CEP295: variants seen among roughly 807,000 people sequenced by gnomAD.
CEP295 encodes centrosomal protein 295, also known as centrosomal protein of 295 kDa.
In CEP295, 190 loss-of-function variants were observed where a neutral mutation model predicts 291.6. The observed-to-expected ratio is 0.65, with a 90% CI of 0.58 to 0.73. The LOEUF (loss-of-function observed/expected upper bound fraction) is 0.73, where lower values mean the gene tolerates loss of function less well. CEP295 is among the 30% of genes least tolerant of loss of function. CEP295 has a pLI of 0.00. For synonymous variants in CEP295, 993 were observed against 1,038.8 expected (o/e 0.96, Z 0.85); for missense variants, 2,863 against 2,949.4 (o/e 0.97, Z 0.68).
chr11:93,690,632 T>A (rs1271710924), intron 10 of CEP295, among the ~76,000 whole-genome samples: 1 of 138,762 alleles, frequency 7.2e-6, no homozygotes, highest in Non-Finnish European at 1.5e-5. Flanking sequence ...CTCGGGAGCA[T>A]GAGGCAGGAG....
chr11:93,685,885 A>G (rs1042970356), intron 9 of CEP295, among the ~76,000 whole-genome samples: 1 of 151,864 alleles, frequency 6.6e-6, no homozygotes, highest in Non-Finnish European at 1.5e-5. Context: ...TAATTTTTGT[A>G]TTTTTAGCAG....
Position 93,699,770 on chromosome 11 carries a change from C to T in CEP295, c.4858C>T (p.Pro1620Ser), listed in dbSNP as rs371146231. 33 of 1,551,920 alleles carry T rather than the reference C, an allele frequency of 2.1e-5. No homozygotes were observed. The African/African-American group carries it at 4.2e-4, about 20-fold the overall frequency. ...GGAAGTGATGTATTCTTATGAGAAA[C>T]CCCAGGAAGAACTGTCTTTAAACAA... is the stretch of plus-strand genomic sequence containing the variant. The part of the protein sequence containing the change: ...QREVMYSYEK[P>S]QEELSLNKQR... The change falls in exon 15 of 30, where the codon CCC becomes TCC. Residue 1620 changes from proline (P) to serine (S), a missense_variant. This residue lies in a region of CEP295 where 2,295 missense variants were observed against 2,335.7 expected (regional missense o/e 0.98). Coordinates refer to ENST00000325212, the MANE Select transcript of CEP295 (RefSeq NM_033395.2).
At chr11:93,669,283 T>C (rs1469323561) in intron 4 of CEP295, among the ~76,000 whole-genome samples, 2 of 152,136 alleles carry the variant, frequency 1.3e-5, no homozygotes, top group African/African-American at 4.8e-5. Flanking sequence ...GGTTGTAGAC[T>C]CTGGAAGTCA....
At chr11:93,729,237 C>T (rs950454418) in intron 25 of CEP295, 197 bp from the exon 26 acceptor site, 1 of 600,284 alleles carries the variant, frequency 1.7e-6, no homozygotes, top group Middle Eastern at 4.5e-4. Flanking sequence ...CAGTTCAAGA[C>T]CAGCCTGGGC....
At chr11:93,662,011 G>A (rs767563452) in intron 1 of CEP295, among the ~76,000 whole-genome samples, 6 of 152,184 alleles carry the variant, frequency 3.9e-5, no homozygotes, top group Non-Finnish European at 7.3e-5. Flanking sequence ...GGCTTTGCGC[G>A]CTCTCCTGGG....
At chr11:93,684,252 C>A in intron 9 of CEP295, 124 bp downstream of exon 9, 2 of 681,058 alleles carry the variant, frequency 2.9e-6, no homozygotes, top group Non-Finnish European at 4.8e-6. Flanking sequence ...CTGATGGGAG[C>A]AGTAGCTAAA....
In CEP295 at chr11:93,698,938, A is replaced by G. The variant is rs904121236; in HGVS notation, c.4026A>G (p.Gln1342=). 33 of 1,551,428 alleles carry G rather than the reference A, an allele frequency of 2.1e-5. No homozygotes were observed. Among genetic ancestry groups the G allele is most frequent in the Admixed American group, 3.9e-5 (2 of 50,978 alleles). The part of the protein sequence containing the change: ...QLQDRLLRIS[Q]LIQPQQDNLK... Reference sequence around the variant, plus strand: ...AGGATAGGCTTTTGAGGATATCGCAACTTATCCAGCCTCAACAAGATAATT... The same window carrying G: ...AGGATAGGCTTTTGAGGATATCGCAGCTTATCCAGCCTCAACAAGATAATT... Residue 1342 remains glutamine (Q), a synonymous_variant, in exon 15 of 30, where the codon CAA becomes CAG. Coordinates refer to ENST00000325212, the MANE Select transcript of CEP295 (RefSeq NM_033395.2).
chr11:93,689,067 G>T (rs2135017007), intron 10 of CEP295, among the ~76,000 whole-genome samples: 1 of 152,202 alleles, frequency 6.6e-6, no homozygotes, highest in South Asian at 2.1e-4. Context: ...TATATCCATA[G>T]TCCAACCATT....
At chr11:93,702,704 G>C (rs2135152062) in intron 16 of CEP295, 67 bp downstream of exon 16, 1 of 1,531,580 alleles carries the variant, frequency 6.5e-7, no homozygotes, top group Non-Finnish European at 8.8e-7. Flanking sequence ...CCTGTAGCTT[G>C]CTAGTTGAAG....
rs954178186 is a variant in CEP295, at chr11:93,727,338, G to A, written c.6862G>A (p.Gly2288Arg). Reference sequence around the variant, plus strand: ...GGGCTTTGAAGAACTATCAAAAAGAGGGGTTGTTACAATGTTACAAAGTCA... The same window carrying A: ...GGGCTTTGAAGAACTATCAAAAAGAAGGGTTGTTACAATGTTACAAAGTCA... The part of the protein sequence containing the change: ...SMGFEELSKR[G>R]VVTMLQSQGL... The change falls in exon 24 of 30, where the codon GGG (glycine) becomes AGG (arginine). Residue 2288 changes from glycine (G) to arginine (R), a missense_variant. By Grantham distance (125) the Gly-to-Arg change is moderately radical (BLOSUM62 -2). Around this residue, in one of 3 missense-constraint regions of CEP295, gnomAD observed 2,295 missense variants for 2,335.7 expected, o/e 0.98. Transcript: ENST00000325212. 6.4e-7 allele frequency: 1 copy of A among 1,551,346 alleles called. No individual in the cohort carries two copies. Among genetic ancestry groups the A allele is most frequent in the Non-Finnish European group, 8.7e-7 (1 of 1,146,932 alleles).
intron 1 of CEP295, among the ~76,000 whole-genome samples, chr11:93,664,841 A>C (rs989241214): frequency 1.1e-4 from 16 of 152,334 alleles, no homozygotes; most frequent in African/African-American, 3.6e-4. Flanking sequence ...AGTATGTGAA[A>C]TATTACCTGG....
chr11:93,702,612 A>G lies in CEP295; in HGVS notation c.5427A>G (p.Ser1809=). 2 of 1,546,482 alleles carry G rather than the reference A, an allele frequency of 1.3e-6. No individual in the cohort carries two copies. Among genetic ancestry groups the G allele is most frequent in the Non-Finnish European group, 1.7e-6 (2 of 1,145,386 alleles). ...RNNSDDNHLA[S]EDTSAKQSGE... is the part of the protein sequence containing the mutation. Reference sequence around the variant, plus strand: ...ACTCTGATGATAATCATTTGGCTTCAGAAGATACTAGTGCCAAGCAAAGTG... The same window carrying G: ...ACTCTGATGATAATCATTTGGCTTCGGAAGATACTAGTGCCAAGCAAAGTG... The change falls in exon 16 of 30, where the codon TCA becomes TCG. Residue 1809 remains serine (S), a synonymous_variant. Transcript: ENST00000325212.
Position 93,696,394 on chromosome 11 carries a change from A to G in CEP295, c.1746A>G (p.Gln582=), listed in dbSNP as rs1951844310. Reference sequence around the variant, plus strand: ...ATAGGCAGATGATTCGTAACTATCAACATCAGCTTTTACAACAAAACAGGT... The same window carrying G: ...ATAGGCAGATGATTCGTAACTATCAGCATCAGCTTTTACAACAAAACAGGT... The part of the protein sequence containing the change: ...DSHRQMIRNY[Q]HQLLQQNRLH... Residue 582 remains glutamine, a synonymous_variant, in exon 14 of 30, where the codon CAA becomes CAG. Transcript: ENST00000325212. 1.9e-6 allele frequency: 3 copies of G among 1,547,860 alleles called. No individual in the cohort carries two copies. Among genetic ancestry groups the G allele is most frequent in the Admixed American group, 2.0e-5 (1 of 50,918 alleles).
intron 18 of CEP295, among the ~76,000 whole-genome samples, chr11:93,714,062 CTG>C (rs1953081600): frequency 6.6e-6 from 1 of 152,116 alleles, no homozygotes; most frequent in Non-Finnish European, 1.5e-5. Context: ...AATTCCTTCT[CTG>C]TGTTATCTTG....
intron 17 of CEP295, among the ~76,000 whole-genome samples, chr11:93,704,318 A>G (rs1361229749): frequency 6.6e-6 from 1 of 152,102 alleles, no homozygotes; most frequent in African/African-American, 2.4e-5. Context: ...TGTGTTTCTG[A>G]GCATTTGAAA....
At chr11:93,703,739 A>T (rs1952329270) in intron 17 of CEP295, among the ~76,000 whole-genome samples, 1 of 151,812 alleles carries the variant, frequency 6.6e-6, no homozygotes, top group East Asian at 1.9e-4. Flanking sequence ...TGTCAGAAAA[A>T]AATAATAAAA....
chr11:93,666,454 C>T (rs1295201455), intron 1 of CEP295, among the ~76,000 whole-genome samples: 1 of 151,956 alleles, frequency 6.6e-6, no homozygotes, highest in African/African-American at 2.4e-5. Context: ...GTTAGCTGGG[C>T]GTGGTGGCAT....
chr11:93,703,952 G>A (rs1012505129), intron 17 of CEP295, among the ~76,000 whole-genome samples: 1 of 151,796 alleles, frequency 6.6e-6, no homozygotes. Context: ...TATATTTTTA[G>A]TAGAGACGGG....
chr11:93,690,859 C>A (rs1292221989), intron 10 of CEP295, among the ~76,000 whole-genome samples: 1 of 152,022 alleles, frequency 6.6e-6, no homozygotes, highest in Non-Finnish European at 1.5e-5. Flanking sequence ...CTTGAATGGG[C>A]CAAGGTTTGT....
Sources: allele counts gnomAD v4.1 joint callset (sites outside exome capture counted in the v4.1 genomes callset), GRCh38; gene constraint gnomAD v4.1.1; regional missense constraint gnomAD v4.1.1; transcripts MANE v1.5; gene names NCBI Gene and HGNC (gene_info 2026-07-23, HGNC 2026-07-21).